Variants in USH1C observed in about 807,000 individuals in gnomAD.
USH1C encodes USH1 protein network component harmonin, also known as harmonin.
A neutral mutation model predicts 119.3 loss-of-function variants in USH1C; 90 were observed. The observed-to-expected ratio is 0.75, with a 90% CI of 0.64 to 0.90. The LOEUF (loss-of-function observed/expected upper bound fraction) is 0.90, where lower values mean the gene tolerates loss of function less well. Ranked by LOEUF, USH1C falls within the 40% of genes least tolerant of loss-of-function variation. The pLI is 0.00. For missense variants in USH1C, 1,165 were observed against 1,167.7 expected (o/e 1.00, Z 0.03); for synonymous variants, 465 against 443.3 (o/e 1.05, Z -0.62).
chr11:17,522,755 A>C (rs778076329), intron 12 of USH1C, 29 bp downstream of exon 12: 12 of 1,613,432 alleles, frequency 7.4e-6, no homozygotes, highest in Non-Finnish European at 8.5e-6. Flanking sequence ...GGGAGGCGGG[A>C]CAGGGCATCC....
chr11:17,537,339 A>C (rs1851269601), intron 1 of USH1C, among the ~76,000 whole-genome samples: 1 of 152,216 alleles, frequency 6.6e-6, no homozygotes, highest in Admixed American at 6.5e-5. Flanking sequence ...CATACGAAGC[A>C]CTAGGCACGC....
intron 17 of USH1C, among the ~76,000 whole-genome samples, 173 bp downstream of exon 17, chr11:17,510,232 A>T (rs1298168302): frequency 6.6e-6 from 1 of 152,084 alleles, no homozygotes. Context: ...AGAAATACAG[A>T]CATATCCCTC....
At chr11:17,536,511 G>A (rs904687354) in intron 1 of USH1C, among the ~76,000 whole-genome samples, 4 of 152,162 alleles carry the variant, frequency 2.6e-5, no homozygotes, top group Non-Finnish European at 5.9e-5. Context: ...TGGTGGAAAG[G>A]AGCCTGTCCC....
At chr11:17,533,812 A>C (rs1299102329) in intron 1 of USH1C, 3 of 454,612 alleles carry the variant, frequency 6.6e-6, no homozygotes, top group African/African-American at 2.0e-5. Context: ...GCCCCTTACC[A>C]CCGAATTCTT....
At chr11:17,503,426 G>A (rs1014158657) in intron 20 of USH1C, among the ~76,000 whole-genome samples, 1 of 152,214 alleles carries the variant, frequency 6.6e-6, no homozygotes, top group Non-Finnish European at 1.5e-5. Context: ...AGCCACTGCA[G>A]CTGGTTGGCC....
Position 17,494,194 on chromosome 11 carries a change from T to C in USH1C, c.*138A>G. 1 of 1,120,326 alleles carries C rather than the reference T, an allele frequency of 8.9e-7. No homozygotes were observed. Among genetic ancestry groups the C allele is most frequent in the Non-Finnish European group, 1.3e-6 (1 of 757,262 alleles). The allele number at this position is 1,120,326 out of a possible 1,614,324, so 69.4% of individuals were successfully genotyped here. A position where few individuals can be genotyped will look rare whatever the true frequency, so the allele number is the denominator to read the frequency against. On this transcript the variant is annotated 3_prime_UTR_variant, in exon 27 of 27. Transcript: ENST00000005226. The stretch of plus-strand genomic sequence containing the variant: ...GAGCTGTTCCTTATCTGGCCCTGGT[T>C]CAGGGCCAAAGGGAGTTTGAGATTC...
intron 1 of USH1C, among the ~76,000 whole-genome samples, chr11:17,543,899 A>G (rs541857597): frequency 3.9e-5 from 6 of 152,306 alleles, no homozygotes; most frequent in Non-Finnish European, 7.4e-5. Context: ...CTGTCTCCAC[A>G]TGCCTCAACA....
chr11:17,504,508 C>A (rs1849567746), intron 20 of USH1C, 139 bp downstream of exon 20: 2 of 932,230 alleles, frequency 2.1e-6, no homozygotes, highest in Non-Finnish European at 3.5e-6. Flanking sequence ...ATGGAGGACA[C>A]AGCTCTGGCC....
At chr11:17,513,722 A>T (rs1489944744) in intron 15 of USH1C, among the ~76,000 whole-genome samples, 1 of 152,180 alleles carries the variant, frequency 6.6e-6, no homozygotes, top group Non-Finnish European at 1.5e-5. Context: ...CAATTTCCCA[A>T]GAGGAGCCAG....
chr11:17,517,629 GCAAAGGT>G (rs1850214903), intron 14 of USH1C, among the ~76,000 whole-genome samples: 1 of 152,188 alleles, frequency 6.6e-6, no homozygotes, highest in Non-Finnish European at 1.5e-5. Context: ...GGAGAGCAGA[GCAAAGGT>G]TTTTTGCTCT....
chr11:17,512,064 T>A lies in USH1C; in HGVS notation c.1261-10A>T. The stretch of plus-strand genomic sequence containing the variant: ...TCTTATCTTTTCCTTTCTGAGTAGA[T>A]GTGGCATTGTTTATATGACAAAGGT... On this transcript the variant is annotated splice_polypyrimidine_tract_variant and intron_variant, in intron 15 of 26. Coordinates refer to ENST00000005226, the MANE Select transcript of USH1C (RefSeq NM_153676.4). 1 of 1,614,090 alleles carries A rather than the reference T, an allele frequency of 6.2e-7. No homozygotes were observed. The highest frequency in any genetic ancestry group is 8.5e-7 in the Non-Finnish European group (1 of 1,179,978).
intron 19 of USH1C, 89 bp from the exon 20 acceptor site, chr11:17,504,786 C>T (rs1168407593): frequency 4.3e-6 from 6 of 1,401,834 alleles, no homozygotes; most frequent in Non-Finnish European, 6.0e-6. Flanking sequence ...GCCTGCCAGT[C>T]TGGGGCTGCC....
At chr11:17,539,376 T>G (rs776521140) in intron 1 of USH1C, among the ~76,000 whole-genome samples, 17 of 152,318 alleles carry the variant, frequency 1.1e-4, no homozygotes, top group Admixed American at 2.0e-4. Flanking sequence ...CTGGGTCTGC[T>G]CCTCTCTGTG....
intron 1 of USH1C, among the ~76,000 whole-genome samples, chr11:17,535,038 C>A (rs373887996): frequency 6.6e-6 from 1 of 152,176 alleles, no homozygotes; most frequent in Non-Finnish European, 1.5e-5. Context: ...TCTGCTCAGG[C>A]CTGTGGGGCA....
chr11:17,512,426 TA>T (rs1849935718), intron 15 of USH1C, among the ~76,000 whole-genome samples: 1 of 152,160 alleles, frequency 6.6e-6, no homozygotes, highest in African/African-American at 2.4e-5. Flanking sequence ...AAGAACTTTG[TA>T]AAAGTTCTGT....
intron 13 of USH1C, 52 bp downstream of exon 13, chr11:17,521,294 C>T: frequency 3.1e-6 from 5 of 1,598,890 alleles, no homozygotes; most frequent in Admixed American, 1.7e-5. Context: ...GCCACACTCC[C>T]CTGAGCACAC....
chr11:17,521,064 A>G, intron 13 of USH1C, 70 bp from the exon 14 acceptor site: 3 of 1,594,830 alleles, frequency 1.9e-6, no homozygotes, highest in South Asian at 2.2e-5. Context: ...CATATCGGAG[A>G]GCCCCAGCCA....
At chr11:17,504,425 A>G (rs1849560759) in intron 20 of USH1C, among the ~76,000 whole-genome samples, 1 of 152,162 alleles carries the variant, frequency 6.6e-6, no homozygotes. Context: ...GCTGTTTCTC[A>G]GCTCATGCAT....
intron 1 of USH1C, among the ~76,000 whole-genome samples, chr11:17,543,422 C>T (rs559171370): frequency 7.9e-5 from 12 of 151,608 alleles, no homozygotes; most frequent in Non-Finnish European, 1.6e-4. Flanking sequence ...ACCCACCCCC[C>T]CCAAGCGGCT....
Sources: gnomAD v4.1 joint callset for allele counts (sites outside exome capture counted in the v4.1 genomes callset) on GRCh38, gnomAD v4.1.1 for gene constraint, MANE v1.5 for transcripts, NCBI Gene and HGNC (gene_info 2026-07-23, HGNC 2026-07-21) for gene names.